Variants in MBD5 observed in about 807,000 individuals in gnomAD.
MBD5 encodes methyl-CpG binding domain protein 5.
MBD5 carries 13 observed loss-of-function variants against 117.3 expected under a neutral mutation model. That is an observed-to-expected ratio of 0.11 (90% CI 0.07 to 0.18). MBD5 has a LOEUF of 0.18. Among genes scored for constraint, MBD5 ranks in the 10% least tolerant of loss-of-function variants. The pLI, the probability that MBD5 is intolerant of heterozygous loss-of-function variation, is 1.00. For synonymous variants in MBD5, 727 were observed against 766.4 expected (o/e 0.95, Z 0.85); for missense variants, 1,879 against 2,093.8 (o/e 0.90, Z 2.00).
intron 4 of MBD5, among the ~76,000 whole-genome samples, chr2:148,424,971 A>G (rs529140362): frequency 6.6e-6 from 1 of 152,308 alleles, no homozygotes; most frequent in East Asian, 1.9e-4. Flanking sequence ...CGCATTTTTA[A>G]AAAACTAGAG....
rs1442901014 is a variant in MBD5, at chr2:148,451,083, T to A, written c.-556-7120T>A. Among the ~76,000 whole-genome samples, 4 of 152,296 alleles carry A rather than the reference T, an allele frequency of 2.6e-5. No homozygotes were observed. The East Asian group carries it at 7.7e-4, about 29-fold the overall frequency. ...TCTGCAGTGAACGGTCAAGGACATC[T>A]GAAGCTAGAGAATATCTCTCTAATG... On this transcript the variant is annotated intron_variant, in intron 4 of 13. Coordinates refer to ENST00000642680, the MANE Select transcript of MBD5 (RefSeq NM_001378120.1).
rs1559053354 is a variant in MBD5 at position 148,395,505 on chromosome 2, A to G, written c.-557+53169A>G. Among the ~76,000 whole-genome samples the G allele has an allele frequency of 4.0e-5, 6 of 149,068 alleles. No homozygotes were observed. The Admixed American group carries it at 4.0e-4, about 10-fold the overall frequency. ...GGTGGCGCAATCTTGGCTCACTGCA[A>G]CCTCTGCCTCCCAGGCTCAAGCAAT... On this transcript the variant is annotated intron_variant, in intron 4 of 13. Coordinates refer to ENST00000642680, the MANE Select transcript of MBD5 (RefSeq NM_001378120.1).
At chr2:148,131,448 C>G (rs751762930) in intron 1 of MBD5, among the ~76,000 whole-genome samples, 8 of 152,080 alleles carry the variant, frequency 5.3e-5, no homozygotes, top group Non-Finnish European at 1.2e-4. Flanking sequence ...AATCCTAGCA[C>G]TTTGGGGGGC....
chr2:148,125,209 G>T (rs1399840483), intron 1 of MBD5, among the ~76,000 whole-genome samples: 1 of 151,854 alleles, frequency 6.6e-6, no homozygotes, highest in East Asian at 1.9e-4. Flanking sequence ...TATTCTGTAT[G>T]AATCTTTCAT....
rs1406702184 is a variant in MBD5 at position 148,064,693 on chromosome 2, CAAATT to C, written c.-925+43013_-925+43017del. On this transcript the variant is annotated intron_variant, in intron 1 of 13. Coordinates refer to ENST00000642680, the MANE Select transcript of MBD5 (RefSeq NM_001378120.1). ...AATCTTCTCTTACTCAAGACACAAA[CAAATT>C]AAAGGAGCAATAACTTTAAGATAAC... Among the ~76,000 whole-genome samples the C allele has an allele frequency of 7.2e-5, 11 of 152,290 alleles. No individual in the cohort carries two copies. The East Asian group carries it at 1.2e-3, about 16-fold the overall frequency.
chr2:148,158,396 T>C (rs951631714), intron 1 of MBD5, among the ~76,000 whole-genome samples: 11 of 152,358 alleles, frequency 7.2e-5, no homozygotes, highest in Admixed American at 7.2e-4. Context: ...CTCAGAGGTT[T>C]AAATGGCAGG....
intron 3 of MBD5, among the ~76,000 whole-genome samples, chr2:148,336,461 G>A (rs1040757812): frequency 3.3e-5 from 5 of 151,930 alleles, no homozygotes; most frequent in Admixed American, 1.3e-4. Context: ...ATTCTGGCTC[G>A]CTGCAACCTC....
At chr2:148,224,904 G>T (rs994913191) in intron 2 of MBD5, among the ~76,000 whole-genome samples, 3 of 151,596 alleles carry the variant, frequency 2.0e-5, no homozygotes, top group Admixed American at 1.3e-4. Flanking sequence ...GTTTCCATTG[G>T]CATGGAATAT....
At chr2:148,327,947 C>T (rs955428635) in intron 3 of MBD5, among the ~76,000 whole-genome samples, 11 of 152,054 alleles carry the variant, frequency 7.2e-5, no homozygotes, top group Non-Finnish European at 1.5e-4. Flanking sequence ...TTTTTCTGCT[C>T]TGTTTTTTCC....
intron 1 of MBD5, among the ~76,000 whole-genome samples, chr2:148,035,723 ACTGT>A (rs1438736556): frequency 1.3e-5 from 2 of 152,186 alleles, no homozygotes; most frequent in Admixed American, 6.6e-5. Flanking sequence ...CTAGAGCCAG[ACTGT>A]CTGGATTCAA....
At chr2:148,027,831 A>G (rs1174816333) in intron 1 of MBD5, 1 of 152,132 alleles carries the variant, frequency 6.6e-6, no homozygotes, top group East Asian at 1.9e-4. Context: ...ATCATCTGTT[A>G]TATATTAGAA....
At chr2:148,157,614 C>G (rs1697906716) in intron 1 of MBD5, among the ~76,000 whole-genome samples, 1 of 152,134 alleles carries the variant, frequency 6.6e-6, no homozygotes, top group African/African-American at 2.4e-5. Flanking sequence ...TATCTCATCA[C>G]TGGGGGCAGT....
intron 12 of MBD5, among the ~76,000 whole-genome samples, chr2:148,509,037 A>G (rs1250501749): frequency 6.6e-6 from 1 of 152,246 alleles, no homozygotes; most frequent in African/African-American, 2.4e-5. Context: ...TACAACAGTA[A>G]GCCAAACTCT....
chr2:148,341,934 ATAC>A (rs1271299852), intron 3 of MBD5, among the ~76,000 whole-genome samples: 4 of 152,036 alleles, frequency 2.6e-5, no homozygotes, highest in Non-Finnish European at 5.9e-5. Context: ...ATACAAAATT[ATAC>A]TACTATTTTT....
chr2:148,234,052 C>T (rs1010612103), intron 3 of MBD5, among the ~76,000 whole-genome samples: 23 of 152,042 alleles, frequency 1.5e-4, no homozygotes, highest in Admixed American at 7.9e-4. Flanking sequence ...ATTACATTAC[C>T]TTTAAAAGAA....
intron 8 of MBD5, among the ~76,000 whole-genome samples, chr2:148,476,131 G>A (rs1168416239): frequency 6.6e-6 from 1 of 152,120 alleles, no homozygotes; most frequent in Non-Finnish European, 1.5e-5. Flanking sequence ...ATAAGAGAGA[G>A]TATTCATCAC....
chr2:148,106,001 T>C (rs1342605335), intron 1 of MBD5, among the ~76,000 whole-genome samples: 3 of 152,168 alleles, frequency 2.0e-5, no homozygotes, highest in African/African-American at 7.2e-5. Flanking sequence ...ATATGGTTTA[T>C]ATGTCAATTA....
rs191363039 is a variant in MBD5 at position 148,147,178 on chromosome 2, C to G, written c.-924-31522C>G. Among the ~76,000 whole-genome samples the G allele has an allele frequency of 3.8e-3, 579 of 151,776 alleles. 3 individuals are homozygous for G. The highest frequency in any genetic ancestry group is 5.9e-3 in the Non-Finnish European group (400 of 67,934). ...TTTCCCTTTGTATAAGCCACACTTT[C>G]CTTTTTGCATATATCATAATTTGTT... On this transcript the variant is annotated intron_variant, in intron 1 of 13. Transcript: ENST00000642680.
intron 4 of MBD5, among the ~76,000 whole-genome samples, chr2:148,437,379 G>A (rs538154437): frequency 2.0e-5 from 3 of 152,212 alleles, no homozygotes; most frequent in African/African-American, 7.2e-5. Context: ...CACTGCTGCA[G>A]CATATGTATG....
Sources: gnomAD v4.1 joint callset for allele counts (sites outside exome capture counted in the v4.1 genomes callset) on GRCh38, gnomAD v4.1.1 for gene constraint, MANE v1.5 for transcripts, NCBI Gene and HGNC (gene_info 2026-07-23, HGNC 2026-07-21) for gene names.